Variants in TMX3 observed in about 807,000 individuals in gnomAD.
TMX3 encodes the protein protein disulfide-isomerase TMX3.
Under a neutral mutation model 64.4 loss-of-function variants are expected in TMX3, and 40 were observed. That is an observed-to-expected ratio of 0.62 (90% CI 0.48 to 0.81). The LOEUF (loss-of-function observed/expected upper bound fraction) is 0.81. Ranked by LOEUF, TMX3 falls within the 30% of genes least tolerant of loss-of-function variation. TMX3 has a pLI of 0.00. For missense variants in TMX3, 497 were observed against 534.5 expected, an observed-to-expected ratio of 0.93 and a Z score of 0.69; for synonymous variants, 189 against 175.7, an observed-to-expected ratio of 1.08 and a Z score of -0.60.
intron 4 of TMX3, among the ~76,000 whole-genome samples, chr18:68,707,315 T>A (rs2030774792): frequency 1.3e-5 from 2 of 152,042 alleles, no homozygotes; most frequent in Non-Finnish European, 1.5e-5. Context: ...TTTATCCATA[T>A]CCAATGAGTA....
chr18:68,682,677 A>G (rs1913547899), intron 13 of TMX3, among the ~76,000 whole-genome samples: 1 of 151,872 alleles, frequency 6.6e-6, no homozygotes, highest in Non-Finnish European at 1.5e-5. Context: ...ATGGCTTTTC[A>G]GAATACTAGA....
At chr18:68,690,348 G>T (rs1914397858) in intron 9 of TMX3, among the ~76,000 whole-genome samples, 1 of 152,238 alleles carries the variant, frequency 6.6e-6, no homozygotes, top group East Asian at 1.9e-4. Flanking sequence ...TATTGAATTA[G>T]AATTTAGAAT....
chr18:68,699,131 G>A (rs1274929969), intron 6 of TMX3, among the ~76,000 whole-genome samples: 6 of 151,842 alleles, frequency 4.0e-5, no homozygotes, highest in Non-Finnish European at 8.8e-5. Context: ...AACATAGAAA[G>A]GCAAATACAT....
Position 68,691,021 on chromosome 18 carries a change from T to C in TMX3, c.637+274A>G, listed in dbSNP as rs12959061. The C allele has an allele frequency of 2.2e-3, 741 of 339,598 alleles. 1 individual carries two copies. Among genetic ancestry groups the C allele is most frequent in the Non-Finnish European group, 3.1e-3 (585 of 188,920 alleles). The allele number at this position is 339,598 out of a possible 1,614,324, so 21.0% of individuals were successfully genotyped here. On this transcript the variant is annotated intron_variant, in intron 9 of 15. Coordinates refer to ENST00000299608, the MANE Select transcript of TMX3 (RefSeq NM_019022.5). ...ATGAATTCTGAACATTTTAAAGTAA[T>C]GTATAAAAATCACATAGAATTTATT...
chr18:68,698,117 A>G lies in TMX3; in HGVS notation c.393-86T>C, dbSNP rs1473282714. ...TTTATACTATAACTAATCATGTCTCAAGTTATTAAGTTTCAATAATATATC... is the reference window on the plus strand; with the variant it reads ...TTTATACTATAACTAATCATGTCTCGAGTTATTAAGTTTCAATAATATATC... On this transcript the variant is annotated intron_variant, in intron 6 of 15. Coordinates refer to ENST00000299608, the MANE Select transcript of TMX3 (RefSeq NM_019022.5). 3.7e-6 allele frequency: 3 copies of G among 819,954 alleles called. No homozygotes were observed. In the East Asian group the frequency reaches 8.1e-5, roughly 22 times the overall value. The allele number at this position is 819,954 out of a possible 1,614,324, so 50.8% of individuals were successfully genotyped here.
At chr18:68,683,267 T>C (rs1341071735) in intron 12 of TMX3, among the ~76,000 whole-genome samples, 2 of 152,054 alleles carry the variant, frequency 1.3e-5, no homozygotes, top group African/African-American at 4.8e-5. Flanking sequence ...ATATCAGCTA[T>C]TCTACCTGAA....
At chr18:68,694,994 T>G (rs1234131816) in intron 8 of TMX3, among the ~76,000 whole-genome samples, 2 of 152,154 alleles carry the variant, frequency 1.3e-5, no homozygotes, top group African/African-American at 4.8e-5. Flanking sequence ...AAAAGCTCCC[T>G]TCATTTCTTT....
intron 15 of TMX3, among the ~76,000 whole-genome samples, chr18:68,678,490 C>T (rs1264258009): frequency 1.3e-5 from 2 of 151,990 alleles, no homozygotes; most frequent in Non-Finnish European, 2.9e-5. Context: ...CTGAAAAACA[C>T]TGAAGAGATG....
At chr18:68,691,404 A>G (rs761395103) in intron 8 of TMX3, 43 bp from the exon 9 acceptor site, 1 of 1,293,378 alleles carries the variant, frequency 7.7e-7, no homozygotes, top group Non-Finnish European at 1.0e-6. Context: ...TCACTAAAAA[A>G]TTCTAATTAG....
At position 68,715,046 on chromosome 18, in the gene TMX3, G is replaced by C. The variant is rs1302975799; in HGVS notation, c.-65C>G. 2 of 1,547,268 alleles carry C rather than the reference G, an allele frequency of 1.3e-6. No homozygotes were observed. The highest frequency in any genetic ancestry group is 1.7e-6 in the Non-Finnish European group (2 of 1,145,174). On this transcript the variant is annotated 5_prime_UTR_variant, in exon 1 of 16. Coordinates refer to ENST00000299608, the MANE Select transcript of TMX3 (RefSeq NM_019022.5). Reference sequence around the variant, plus strand: ...AGGGATAAAGACACTGGGGTCCGCCGCCTGCCCGCCCGGAAAGGGAAACGG... The same window carrying C: ...AGGGATAAAGACACTGGGGTCCGCCCCCTGCCCGCCCGGAAAGGGAAACGG...
At chr18:68,682,655 C>T (rs565597913) in intron 13 of TMX3, among the ~76,000 whole-genome samples, 9 of 151,418 alleles carry the variant, frequency 5.9e-5, no homozygotes, top group African/African-American at 2.2e-4. Context: ...GAAATTTACA[C>T]GTTTTGGAAT....
chr18:68,677,860 G>C (rs1913070212), intron 15 of TMX3, among the ~76,000 whole-genome samples: 1 of 152,098 alleles, frequency 6.6e-6, no homozygotes, highest in African/African-American at 2.4e-5. Flanking sequence ...CAGAATAAAG[G>C]TGTGTTTTAG....
chr18:68,709,502 G>C (rs1298353423), intron 4 of TMX3, among the ~76,000 whole-genome samples: 1 of 152,018 alleles, frequency 6.6e-6, no homozygotes, highest in African/African-American at 2.4e-5. Flanking sequence ...GAGAAATTTG[G>C]CCTACAGACC....
chr18:68,700,795 G>C, intron 5 of TMX3: 1 of 985,172 alleles, frequency 1.0e-6, no homozygotes, highest in Non-Finnish European at 1.2e-6. Context: ...GAAAATTAAA[G>C]TACTATAATT....
rs1421358695 is a variant in TMX3, at chr18:68,706,445, GAAATAAAAT to G, written c.265+3567_265+3575del. 3 of 152,024 alleles carry G rather than the reference GAAATAAAAT, an allele frequency of 2.0e-5. No homozygotes were observed. The East Asian group carries it at 5.8e-4, about 29-fold the overall frequency. 9.4% of individuals were successfully genotyped at this position (152,024 alleles called of 1,614,324 possible). ...AAAGAAATAAAGAAATAAAATAAAAGAAATAAAATAAATAAAATAAAAAATACAGACTCT... is the reference window on the plus strand; with the variant it reads ...AAAGAAATAAAGAAATAAAATAAAAGAAATAAAATAAAAAATACAGACTCT... On this transcript the variant is annotated intron_variant, in intron 4 of 15. Coordinates refer to ENST00000299608, the MANE Select transcript of TMX3 (RefSeq NM_019022.5).
rs754788151 is a variant in TMX3 at position 68,676,885 on chromosome 18, C to G, written c.*48G>C. ...TAAATGTCTAAATTCAATAAATAGA[C>G]TCTTTAATAATTTGAAGTCCTAACA... is the stretch of plus-strand genomic sequence containing the variant. On this transcript the variant is annotated 3_prime_UTR_variant, in exon 16 of 16. Transcript: ENST00000299608. The G allele has an allele frequency of 3.2e-6, 5 of 1,563,888 alleles. No individual in the cohort carries two copies. The highest frequency in any genetic ancestry group is 4.3e-6 in the Non-Finnish European group (5 of 1,155,176).
Position 68,710,127 on chromosome 18 carries a change from A to G in TMX3, c.159T>C (p.Cys53=), listed in dbSNP as rs903107161. Residue 53 remains cysteine, a synonymous_variant, in exon 4 of 16, where the codon TGT becomes TGC. Coordinates refer to ENST00000299608, the MANE Select transcript of TMX3 (RefSeq NM_019022.5). ...TTGGTTCCAGCTTTTTACAATGGCC[A>G]CACCATGGCGCATAAAACTTGTTTT... ...IWLVDFYAPW[C]GHCKKLEPIW... 3 of 1,574,448 alleles carry G rather than the reference A, an allele frequency of 1.9e-6. No individual in the cohort carries two copies. The highest frequency in any genetic ancestry group is 1.7e-6 in the Non-Finnish European group (2 of 1,164,444).
chr18:68,701,624 TGAA>T (rs1568196954), intron 5 of TMX3, 118 bp downstream of exon 5: 2 of 1,540,986 alleles, frequency 1.3e-6, no homozygotes, highest in Admixed American at 3.8e-5. Flanking sequence ...ACTTCACCTA[TGAA>T]GAATGGCCAA....
rs433550 is a variant in TMX3, at chr18:68,697,892, T to G, written c.492+40A>C. ...GTCTTGATTATAGAGTAAATTAAAT[T>G]ACAATACATCTGTTTTTGTGGATTA... On this transcript the variant is annotated intron_variant, in intron 7 of 15. Coordinates refer to ENST00000299608, the MANE Select transcript of TMX3 (RefSeq NM_019022.5). 0.13 allele frequency: 168,136 copies of G among 1,304,864 alleles called. 20,131 individuals carry two copies. The highest frequency in any genetic ancestry group is 0.6 in the African/African-American group (41,066 of 68,190). 80.8% of individuals were successfully genotyped at this position (1,304,864 alleles called of 1,614,324 possible).
Sources: allele counts gnomAD v4.1 joint callset (sites outside exome capture counted in the v4.1 genomes callset), GRCh38; gene constraint gnomAD v4.1.1; transcripts MANE v1.5; gene names NCBI Gene and HGNC (gene_info 2026-07-23, HGNC 2026-07-21).